GALNTL6: variants seen among roughly 807,000 people sequenced by gnomAD.
The protein encoded by GALNTL6 is polypeptide N-acetylgalactosaminyltransferase like 6.
In GALNTL6, 46 loss-of-function variants were observed where a neutral mutation model predicts 73.7. The ratio of observed to expected loss-of-function variants is 0.62; its 90% confidence interval spans 0.49 to 0.80. The LOEUF (loss-of-function observed/expected upper bound fraction) is 0.80. GALNTL6 is among the 30% of genes least tolerant of loss of function. The pLI, the probability that GALNTL6 is intolerant of heterozygous loss-of-function variation, is 0.00. For synonymous variants in GALNTL6, 259 were observed against 263.7 expected (o/e 0.98, Z 0.17); for missense variants, 604 against 755.0 (o/e 0.80, Z 2.34).
chr4:172,711,340 A>C (rs901394177), intron 5 of GALNTL6, among the ~76,000 whole-genome samples: 1 of 152,128 alleles, frequency 6.6e-6, no homozygotes, highest in African/African-American at 2.4e-5. Flanking sequence ...GCTGAAGCTG[A>C]GTCAATGAAG....
chr4:172,492,127 A>AG (rs1733918159), intron 5 of GALNTL6, among the ~76,000 whole-genome samples: 2 of 152,224 alleles, frequency 1.3e-5, no homozygotes, highest in Non-Finnish European at 2.9e-5. Flanking sequence ...AGGTTAGGTT[A>AG]AGAAAAAATT....
chr4:172,657,863 T>C (rs1185337283), intron 5 of GALNTL6, among the ~76,000 whole-genome samples: 1 of 152,150 alleles, frequency 6.6e-6, no homozygotes, highest in Non-Finnish European at 1.5e-5. Context: ...GAAATATCTC[T>C]GTGGGGGCCG....
At chr4:172,043,794 A>C (rs1398869273) in intron 2 of GALNTL6, among the ~76,000 whole-genome samples, 1 of 152,082 alleles carries the variant, frequency 6.6e-6, no homozygotes, top group Non-Finnish European at 1.5e-5. Flanking sequence ...AGATATCTTC[A>C]ATTTTGAAAG....
At chr4:171,942,781 A>G (rs1374573080) in intron 2 of GALNTL6, among the ~76,000 whole-genome samples, 1 of 152,218 alleles carries the variant, frequency 6.6e-6, no homozygotes, top group Admixed American at 6.5e-5. Flanking sequence ...ATGCTCAATT[A>G]CGAATGGGTC....
rs188855621 is a variant in GALNTL6 at position 172,405,764 on chromosome 4, A to G, written c.553+57075A>G. On this transcript the variant is annotated intron_variant, in intron 5 of 12. Coordinates refer to ENST00000506823, the MANE Select transcript of GALNTL6 (RefSeq NM_001034845.3). Reference sequence around the variant, plus strand: ...GCTCATCAATCTCTTCCTTTTATTGATTTTTTTTCATCACAAAGTTTTATT... The same window carrying G: ...GCTCATCAATCTCTTCCTTTTATTGGTTTTTTTTCATCACAAAGTTTTATT... 4.2e-4 allele frequency among the ~76,000 whole-genome samples: 64 copies of G among 151,294 alleles called. 1 individual carries two copies. Among genetic ancestry groups the G allele is most frequent in the Admixed American group, 3.0e-3 (45 of 15,120 alleles).
chr4:172,495,107 G>A (rs180820518), intron 5 of GALNTL6, among the ~76,000 whole-genome samples: 45 of 152,282 alleles, frequency 3.0e-4, no homozygotes, highest in Non-Finnish European at 5.0e-4. Flanking sequence ...GGGAAAGAGA[G>A]CAATCAGAGT....
At chr4:172,044,410 T>A (rs1423087305) in intron 2 of GALNTL6, among the ~76,000 whole-genome samples, 1 of 151,974 alleles carries the variant, frequency 6.6e-6, no homozygotes, top group East Asian at 1.9e-4. Flanking sequence ...TTTGGTGTTA[T>A]ATTTCCAGCA....
At chr4:172,634,549 C>A (rs886224477) in intron 5 of GALNTL6, among the ~76,000 whole-genome samples, 1 of 152,040 alleles carries the variant, frequency 6.6e-6, no homozygotes, top group Admixed American at 6.6e-5. Flanking sequence ...ATAGGCACTT[C>A]AACTTTTGAT....
At chr4:172,983,453 G>A (rs544228802) in intron 10 of GALNTL6, among the ~76,000 whole-genome samples, 1 of 152,222 alleles carries the variant, frequency 6.6e-6, no homozygotes, top group African/African-American at 2.4e-5. Context: ...CCAGCACTTT[G>A]GGAGGCCAAG....
At chr4:172,090,915 C>T (rs528247403) in intron 2 of GALNTL6, among the ~76,000 whole-genome samples, 1 of 152,224 alleles carries the variant, frequency 6.6e-6, no homozygotes, top group South Asian at 2.1e-4. Flanking sequence ...CTGCTTATGG[C>T]TAGCCAGTTT....
intron 5 of GALNTL6, among the ~76,000 whole-genome samples, chr4:172,552,227 G>A (rs963181847): frequency 1.3e-5 from 2 of 152,024 alleles, no homozygotes; most frequent in African/African-American, 2.4e-5. Context: ...GGCCACCAAC[G>A]CCCAGTTACA....
intron 5 of GALNTL6, among the ~76,000 whole-genome samples, chr4:172,777,475 T>C (rs1739134917): frequency 6.6e-6 from 1 of 152,226 alleles, no homozygotes; most frequent in African/African-American, 2.4e-5. Flanking sequence ...AATTGAGATA[T>C]TGGAAACTTA....
chr4:172,719,367 C>T (rs1203150332), intron 5 of GALNTL6, among the ~76,000 whole-genome samples: 4 of 152,282 alleles, frequency 2.6e-5, no homozygotes, highest in African/African-American at 9.6e-5. Context: ...TATAATACTC[C>T]TTTAAGCCTC....
rs180713252 is a variant in GALNTL6 at position 171,890,199 on chromosome 4, C to G, written c.138+75481C>G. On this transcript the variant is annotated intron_variant, in intron 2 of 12. Transcript: ENST00000506823. ...TGAGGTCTATTTTTCCAGGCTTTCT[C>G]TATATGTATATATCATCATTTCCAA... 3.1e-4 allele frequency among the ~76,000 whole-genome samples: 47 copies of G among 152,162 alleles called. 4 individuals carry two copies. Among genetic ancestry groups the G allele is most frequent in the Admixed American group, 2.9e-3 (44 of 15,270 alleles).
intron 5 of GALNTL6, among the ~76,000 whole-genome samples, chr4:172,500,758 A>G (rs549962294): frequency 2.0e-5 from 3 of 152,298 alleles, no homozygotes; most frequent in Admixed American, 6.5e-5. Context: ...AAAAAAGTAC[A>G]TCTGCATGAG....
At chr4:171,997,254 T>G (rs536729089) in intron 2 of GALNTL6, among the ~76,000 whole-genome samples, 1 of 152,094 alleles carries the variant, frequency 6.6e-6, no homozygotes, top group African/African-American at 2.4e-5. Context: ...GCAACTTCCC[T>G]AGCTCCATAC....
chr4:172,052,600 C>T (rs536655838), intron 2 of GALNTL6: 10 of 1,024,374 alleles, frequency 9.8e-6, no homozygotes, highest in African/African-American at 1.6e-5. Flanking sequence ...CTCATGGACG[C>T]TTGTTGTTGA....
intron 7 of GALNTL6, among the ~76,000 whole-genome samples, chr4:172,838,753 A>G (rs555433344): frequency 6.6e-6 from 1 of 152,310 alleles, no homozygotes; most frequent in East Asian, 1.9e-4. Flanking sequence ...AATAACTCAT[A>G]TAGGCACCAA....
chr4:173,026,005 A>T (rs994714132), intron 12 of GALNTL6, among the ~76,000 whole-genome samples: 1 of 152,208 alleles, frequency 6.6e-6, no homozygotes, highest in Non-Finnish European at 1.5e-5. Flanking sequence ...TCATTAAAGC[A>T]ATCTCTCCTA....
Sources: allele counts gnomAD v4.1 joint callset (sites outside exome capture counted in the v4.1 genomes callset), GRCh38; gene constraint gnomAD v4.1.1; transcripts MANE v1.5; gene names NCBI Gene and HGNC (gene_info 2026-07-23, HGNC 2026-07-21).